Variants in GLYATL2 observed in about 807,000 individuals in gnomAD.
GLYATL2 encodes glycine-N-acyltransferase like 2, also known as glycine N-acyltransferase-like protein 2.
A neutral mutation model predicts 21.4 loss-of-function variants in GLYATL2; 25 were observed. The ratio of observed to expected loss-of-function variants is 1.17; its 90% CI spans 0.85 to 1.63. GLYATL2 has a LOEUF of 1.63. GLYATL2 is among the 40% of genes most tolerant of loss of function. GLYATL2 has a pLI of 0.00. For synonymous variants in GLYATL2, 114 were observed against 118.2 expected (o/e 0.96, Z 0.23); for missense variants, 361 against 343.3 (o/e 1.05, Z -0.41).
At chr11:58,852,888 C>T (rs1188459091) in intron 1 of GLYATL2, among the ~76,000 whole-genome samples, 2 of 152,182 alleles carry the variant, frequency 1.3e-5, no homozygotes, top group African/African-American at 4.8e-5. Context: ...AAGCTGAGTG[C>T]TAAGGTCTTT....
intron 1 of GLYATL2, among the ~76,000 whole-genome samples, chr11:58,861,579 T>G (rs2134594994): frequency 6.6e-6 from 1 of 152,090 alleles, no homozygotes; most frequent in East Asian, 1.9e-4. Flanking sequence ...TGCTCTGATC[T>G]TTATTTTTTC....
upstream of GLYATL2, among the ~76,000 whole-genome samples, chr11:58,906,912 A>G (rs572983915): frequency 2.0e-5 from 3 of 152,338 alleles, no homozygotes; most frequent in Admixed American, 6.5e-5. Flanking sequence ...TGCAGATTCC[A>G]TAGCTACACC....
intron 1 of GLYATL2, among the ~76,000 whole-genome samples, chr11:58,887,293 A>T (rs971744333): frequency 1.2e-4 from 18 of 152,322 alleles, no homozygotes; most frequent in East Asian, 5.8e-4. Flanking sequence ...ATTTACTTGG[A>T]AATACATTCA....
intron 1 of GLYATL2, among the ~76,000 whole-genome samples, chr11:58,871,271 TTTTATTTA>T (rs371060157): frequency 2.6e-5 from 4 of 151,738 alleles, no homozygotes; most frequent in Admixed American, 6.6e-5. Flanking sequence ...TTTTATTTTA[TTTTATTTA>T]TTTATTTATT....
At chr11:58,850,661 G>A (rs542468271) in intron 1 of GLYATL2, among the ~76,000 whole-genome samples, 179 of 152,186 alleles carry the variant, frequency 1.2e-3, no homozygotes, top group African/African-American at 3.9e-3. Flanking sequence ...CATCTGGGAA[G>A]ATGCCCATTA....
chr11:58,835,537 A>G (rs1853414014), intron 5 of GLYATL2, among the ~76,000 whole-genome samples: 1 of 152,168 alleles, frequency 6.6e-6, no homozygotes. Context: ...GGAAGAGAGA[A>G]GATCTCCAGG....
chr11:58,881,571 C>A (rs1448812726), intron 1 of GLYATL2, among the ~76,000 whole-genome samples: 1 of 151,992 alleles, frequency 6.6e-6, no homozygotes, highest in Non-Finnish European at 1.5e-5. Context: ...CCAGTCAAAA[C>A]TGTTTTTAGA....
intron 1 of GLYATL2, among the ~76,000 whole-genome samples, chr11:58,883,392 A>C (rs1160861691): frequency 1.3e-5 from 2 of 152,218 alleles, no homozygotes; most frequent in African/African-American, 4.8e-5. Flanking sequence ...GGATATCACC[A>C]CCAATCCCAC....
intron 1 of GLYATL2, among the ~76,000 whole-genome samples, chr11:58,859,776 T>C (rs1379282615): frequency 2.0e-5 from 3 of 152,182 alleles, no homozygotes; most frequent in Non-Finnish European, 1.5e-5. Flanking sequence ...CCTTAAACCA[T>C]TTTTGGTTGA....
At chr11:58,883,978 C>A (rs749742440) in intron 1 of GLYATL2, among the ~76,000 whole-genome samples, 2 of 152,204 alleles carry the variant, frequency 1.3e-5, no homozygotes, top group African/African-American at 4.8e-5. Context: ...ACATGATTTT[C>A]TCAACAGATG....
intron 1 of GLYATL2, chr11:58,878,389 C>A (rs1480076357): frequency 8.0e-6 from 5 of 626,178 alleles, no homozygotes; most frequent in Non-Finnish European, 9.1e-6. Context: ...TAGGTAAGCT[C>A]CCTCTCGCAT....
chr11:58,865,020 A>C (rs1853999707), intron 1 of GLYATL2, among the ~76,000 whole-genome samples: 1 of 149,154 alleles, frequency 6.7e-6, no homozygotes, highest in Admixed American at 6.9e-5. Flanking sequence ...GGAGGTGATG[A>C]ATATGTTTAT....
chr11:58,882,176 A>T (rs1854348694), intron 1 of GLYATL2, among the ~76,000 whole-genome samples: 2 of 152,208 alleles, frequency 1.3e-5, no homozygotes, highest in Admixed American at 1.3e-4. Context: ...ACAATGGCTG[A>T]ACTAGTTTAC....
Position 58,838,324 on chromosome 11 carries a change from G to T in GLYATL2, c.123C>A (p.Asn41Lys), listed in dbSNP as rs1179790533. 1.2e-6 allele frequency: 2 copies of T among 1,613,158 alleles called. No homozygotes were observed. ...GCCAGGCATCTACCAGCACCTCCAT[G>T]TTGAAAGGGTTTTTATCTTTTATGT... Reference protein sequence around the residue: ...IFNIKDKNPFNMEVLVDAWPD... With the variant: ...IFNIKDKNPFKMEVLVDAWPD... Residue 41 changes from asparagine to lysine, a missense_variant, in exon 3 of 6, where the codon AAC becomes AAA. Physicochemically the swap from Asn to Lys is moderately conservative, Grantham distance 94 (BLOSUM62 0). Coordinates refer to ENST00000287275, the MANE Select transcript of GLYATL2 (RefSeq NM_145016.4).
chr11:58,881,013 A>G (rs1260765571), intron 1 of GLYATL2, among the ~76,000 whole-genome samples: 3 of 152,304 alleles, frequency 2.0e-5, no homozygotes, highest in East Asian at 3.8e-4. Flanking sequence ...TACTTCTCTT[A>G]CATTAACTAA....
At chr11:58,870,952 T>C (rs1023897479) in intron 1 of GLYATL2, among the ~76,000 whole-genome samples, 1 of 152,126 alleles carries the variant, frequency 6.6e-6, no homozygotes, top group South Asian at 2.1e-4. Context: ...CCAACCAGAA[T>C]GAACAGCATG....
intron 1 of GLYATL2, among the ~76,000 whole-genome samples, chr11:58,869,731 TAA>T (rs1413284140): frequency 2.0e-5 from 3 of 152,224 alleles, no homozygotes; most frequent in African/African-American, 7.2e-5. Context: ...TCATGTTACT[TAA>T]GTAAATCTTT....
intron 1 of GLYATL2, among the ~76,000 whole-genome samples, chr11:58,854,658 A>G (rs1348757068): frequency 6.8e-6 from 1 of 147,320 alleles, no homozygotes; most frequent in African/African-American, 2.5e-5. Context: ...TGTTGCATTG[A>G]TTAACTCTTC....
intron 1 of GLYATL2, among the ~76,000 whole-genome samples, chr11:58,859,446 G>A (rs1190486248): frequency 6.6e-6 from 1 of 152,070 alleles, no homozygotes; most frequent in Non-Finnish European, 1.5e-5. Context: ...GATCTATTCA[G>A]GGCCTTTGCC....
Sources: gnomAD v4.1 joint callset for allele counts (sites outside exome capture counted in the v4.1 genomes callset) on GRCh38, gnomAD v4.1.1 for gene constraint, MANE v1.5 for transcripts, NCBI Gene and HGNC (gene_info 2026-07-23, HGNC 2026-07-21) for gene names.